PLCB1: variants seen among roughly 807,000 people sequenced by gnomAD.
The protein encoded by PLCB1 is 1-phosphatidylinositol 4,5-bisphosphate phosphodiesterase beta-1.
Under a neutral mutation model 161.8 loss-of-function variants are expected in PLCB1, and 46 were observed. That is an observed-to-expected ratio of 0.28 (90% CI 0.22 to 0.36). The LOEUF is 0.36. Ranked by LOEUF, PLCB1 falls within the 10% of genes least tolerant of loss-of-function variation. The pLI is 1.00. For missense variants in PLCB1, 1,016 were observed against 1,472.5 expected, an observed-to-expected ratio of 0.69 and a Z score of 5.07; for synonymous variants, 517 against 503.7, an observed-to-expected ratio of 1.03 and a Z score of -0.35.
At chr20:8,867,535 C>T (rs1280003478) in intron 31 of PLCB1, among the ~76,000 whole-genome samples, 2 of 152,112 alleles carry the variant, frequency 1.3e-5, no homozygotes, top group Non-Finnish European at 2.9e-5. Context: ...TTCAATTGCC[C>T]GGAGGGCTTT....
At chr20:8,297,925 A>G (rs571010811) in intron 2 of PLCB1, among the ~76,000 whole-genome samples, 2 of 147,214 alleles carry the variant, frequency 1.4e-5, no homozygotes, top group Non-Finnish European at 3.0e-5. Flanking sequence ...TCTTCACTGC[A>G]TGATTTTGCA....
At chr20:8,610,294 T>C (rs1050234444) in intron 3 of PLCB1, among the ~76,000 whole-genome samples, 2 of 152,214 alleles carry the variant, frequency 1.3e-5, no homozygotes, top group African/African-American at 4.8e-5. Flanking sequence ...GGTTAATCCA[T>C]GTTGTAGCAT....
intron 3 of PLCB1, among the ~76,000 whole-genome samples, chr20:8,469,475 G>A (rs1027440916): frequency 1.3e-5 from 2 of 151,972 alleles, no homozygotes; most frequent in African/African-American, 2.4e-5. Flanking sequence ...TTTAACCATC[G>A]TTATTTAGGT....
chr20:8,727,855 G>C (rs1445824908), intron 17 of PLCB1, among the ~76,000 whole-genome samples: 1 of 151,982 alleles, frequency 6.6e-6, no homozygotes, highest in Non-Finnish European at 1.5e-5. Context: ...GGATGATGAT[G>C]ATGACATTGT....
intron 3 of PLCB1, among the ~76,000 whole-genome samples, chr20:8,410,755 C>T (rs1025635696): frequency 6.6e-5 from 10 of 152,114 alleles, no homozygotes; most frequent in Non-Finnish European, 1.3e-4. Context: ...AGGCTCCTTG[C>T]AGATATAATT....
At chr20:8,872,701 T>G (rs1327518538) in intron 31 of PLCB1, among the ~76,000 whole-genome samples, 1 of 152,180 alleles carries the variant, frequency 6.6e-6, no homozygotes, top group African/African-American at 2.4e-5. Flanking sequence ...GGGTTTCTAA[T>G]TCCCTTTGTG....
Position 8,471,963 on chromosome 20 carries a change from G to A in PLCB1, c.246+100513G>A, listed in dbSNP as rs115015226. Among the ~76,000 whole-genome samples, 1,461 of 152,214 alleles carry A rather than the reference G, an allele frequency of 9.6e-3. 25 individuals are homozygous for A. The highest frequency in any genetic ancestry group is 0.033 in the African/African-American group (1,357 of 41,538). On this transcript the variant is annotated intron_variant, in intron 3 of 31. Coordinates refer to ENST00000338037, the MANE Select transcript of PLCB1 (RefSeq NM_015192.4). Reference sequence around the variant, plus strand: ...AGGAATTAATAGTTGAGTTGTTACTGGCTTTTTTATTGTCCTTTCCAGAAT... The same window carrying A: ...AGGAATTAATAGTTGAGTTGTTACTAGCTTTTTTATTGTCCTTTCCAGAAT...
intron 2 of PLCB1, among the ~76,000 whole-genome samples, chr20:8,324,244 C>A (rs1985051697): frequency 6.9e-6 from 1 of 145,102 alleles, no homozygotes; most frequent in Non-Finnish European, 1.5e-5. Flanking sequence ...GTGTGTGAAA[C>A]TACGTGACAA....
chr20:8,468,257 T>C lies in PLCB1; in HGVS notation c.246+96807T>C, dbSNP rs975546256. ...TAGTAGTTATAAGTCTGTTTACATA[T>C]ATAAATATTCATAAAGTTGTACATT... is the stretch of plus-strand genomic sequence containing the variant. On this transcript the variant is annotated intron_variant, in intron 3 of 31. Transcript: ENST00000338037. Among the ~76,000 whole-genome samples, 5 of 152,300 alleles carry C rather than the reference T, an allele frequency of 3.3e-5. 1 individual carries two copies. The highest frequency in any genetic ancestry group is 6.8e-3 in the Middle Eastern group (2 of 294).
chr20:8,216,203 T>TA (rs1445484506), intron 2 of PLCB1, among the ~76,000 whole-genome samples: 1 of 152,162 alleles, frequency 6.6e-6, no homozygotes, highest in Non-Finnish European at 1.5e-5. Flanking sequence ...GTATGTTTTT[T>TA]ACTTAGGGAG....
chr20:8,831,448 G>T (rs943502771), intron 31 of PLCB1: 1 of 152,078 alleles, frequency 6.6e-6, no homozygotes, highest in African/African-American at 2.4e-5. Context: ...AGAAAAATTT[G>T]CTTTAATTTA....
intron 4 of PLCB1, among the ~76,000 whole-genome samples, chr20:8,632,035 C>CTTTTTTTTTTTGTTTTT (rs1568537430): frequency 2.8e-4 from 13 of 45,974 alleles, no homozygotes; most frequent in African/African-American, 5.0e-4. Flanking sequence ...GTTTTTTTTG[C>CTTTTTTTTTTTGTTTTT]TTTTTTTTTT....
chr20:8,249,215 A>G (rs1184919144), intron 2 of PLCB1, among the ~76,000 whole-genome samples: 4 of 152,006 alleles, frequency 2.6e-5, no homozygotes, highest in African/African-American at 9.7e-5. Context: ...AGAGTTATTT[A>G]AATAGAAGAT....
At chr20:8,503,484 A>G (rs1181716031) in intron 3 of PLCB1, among the ~76,000 whole-genome samples, 1 of 152,174 alleles carries the variant, frequency 6.6e-6, no homozygotes, top group Non-Finnish European at 1.5e-5. Context: ...GACACCTGCT[A>G]TGTGAGTGTA....
chr20:8,178,105 C>A (rs2051801803), intron 2 of PLCB1, among the ~76,000 whole-genome samples: 1 of 152,092 alleles, frequency 6.6e-6, no homozygotes, highest in Non-Finnish European at 1.5e-5. Context: ...TGTTGATGGG[C>A]ATTTAGGTTG....
intron 26 of PLCB1, among the ~76,000 whole-genome samples, chr20:8,768,593 A>G (rs894084672): frequency 6.6e-6 from 1 of 152,238 alleles, no homozygotes; most frequent in Non-Finnish European, 1.5e-5. Flanking sequence ...TTCTCACAGC[A>G]GCACTGTGAA....
At chr20:8,579,717 ATT>A (rs960022836) in intron 3 of PLCB1, among the ~76,000 whole-genome samples, 3 of 151,166 alleles carry the variant, frequency 2.0e-5, no homozygotes, top group Non-Finnish European at 3.0e-5. Context: ...TTCTGTCTTC[ATT>A]TTTTTTTCCT....
intron 1 of PLCB1, among the ~76,000 whole-genome samples, chr20:8,146,115 T>G (rs1428800405): frequency 6.6e-6 from 1 of 151,776 alleles, no homozygotes; most frequent in Non-Finnish European, 1.5e-5. Context: ...GTTTTTTTTT[T>G]TTTTGGTATA....
At chr20:8,318,019 A>G (rs1984736859) in intron 2 of PLCB1, among the ~76,000 whole-genome samples, 1 of 149,378 alleles carries the variant, frequency 6.7e-6, no homozygotes, top group Non-Finnish European at 1.5e-5. Context: ...AAATTTATCT[A>G]ACATCTCAAC....
Sources: gnomAD v4.1 joint callset for allele counts (sites outside exome capture counted in the v4.1 genomes callset) on GRCh38, gnomAD v4.1.1 for gene constraint, MANE v1.5 for transcripts, NCBI Gene and HGNC (gene_info 2026-07-23, HGNC 2026-07-21) for gene names.